ZNF571: variants seen among roughly 807,000 people sequenced by gnomAD.
ZNF571 encodes zinc finger protein 571.
In ZNF571, 4 loss-of-function variants were observed where a neutral mutation model predicts 7.7. The ratio of observed to expected loss-of-function variants is 0.52; its 90% confidence interval spans 0.25 to 1.18. The LOEUF (loss-of-function observed/expected upper bound fraction) is 1.18, where lower values mean the gene tolerates loss of function less well. ZNF571 is among the 50% of genes most tolerant of loss of function. The pLI is 0.14. For missense variants in ZNF571, 704 were observed against 726.9 expected, an observed-to-expected ratio of 0.97 and a Z score of 0.36; for synonymous variants, 251 against 232.4, an observed-to-expected ratio of 1.08 and a Z score of -0.73.
chr19:37,580,512 A>G (rs1432290286), intron 3 of ZNF571, among the ~76,000 whole-genome samples: 1 of 152,212 alleles, frequency 6.6e-6, no homozygotes, highest in East Asian at 1.9e-4. Context: ...ACCATCTGCT[A>G]TGGTTTGGAT....
chr19:37,583,974 A>G lies in ZNF571; in HGVS notation c.133T>C (p.Leu45=), dbSNP rs756415238. Residue 45 remains leucine, a synonymous_variant, in exon 3 of 4, where the codon TTG becomes CTG. Transcript: ENST00000451802. ...ATATTACGTAGGATGATCTTACCCA[A>G]TGAGATCAGGTTGCTGTAGTTCTCC... The part of the protein sequence containing the change: ...MLENYSNLIS[L]DLESSCVTKK... The G allele has an allele frequency of 1.0e-5, 16 of 1,607,088 alleles. No individual in the cohort carries two copies. The highest frequency in any genetic ancestry group is 6.8e-5 in the Admixed American group (4 of 58,852).
intron 3 of ZNF571, among the ~76,000 whole-genome samples, chr19:37,574,641 C>A (rs2043182016): frequency 6.6e-6 from 1 of 152,090 alleles, no homozygotes; most frequent in Non-Finnish European, 1.5e-5. Context: ...GGTTTATCAC[C>A]ATACCTAAAC....
chr19:37,573,918 C>G (rs900239553), intron 3 of ZNF571, among the ~76,000 whole-genome samples: 1 of 152,068 alleles, frequency 6.6e-6, no homozygotes, highest in African/African-American at 2.4e-5. Context: ...CAATCTGTGC[C>G]CTAACACAAA....
rs764345901 is a variant in ZNF571, at chr19:37,564,950, T to C, written c.1478A>G (p.Gln493Arg). The change falls in exon 4 of 4, where the codon CAA becomes CGA. Residue 493 changes from glutamine (Q) to arginine (R), a missense_variant. Gln to Arg is a conservative substitution (Grantham distance 43). Coordinates refer to ENST00000451802, the MANE Select transcript of ZNF571 (RefSeq NM_016536.5). ...FVRATQLTYHQRIHTGEKPYK... is the reference protein window; with the variant it reads ...FVRATQLTYHRRIHTGEKPYK... Reference sequence around the variant, plus strand: ...GGGCTTTTCACCTGTATGAATTCTTTGATGATATGTAAGTTGTGTAGCACG... The same window carrying C: ...GGGCTTTTCACCTGTATGAATTCTTCGATGATATGTAAGTTGTGTAGCACG... 3 of 1,613,960 alleles carry C rather than the reference T, an allele frequency of 1.9e-6. No homozygotes were observed. The highest frequency in any genetic ancestry group is 2.5e-6 in the Non-Finnish European group (3 of 1,179,916).
rs972064167 is a variant in ZNF571 at position 37,564,750 on chromosome 19, A to T, written c.1678T>A (p.Cys560Ser). The change falls in exon 4 of 4, where the codon TGT becomes AGT. Residue 560 changes from cysteine (C) to serine (S), a missense_variant. Cys to Ser is a moderately radical substitution (Grantham distance 112). Coordinates refer to ENST00000451802, the MANE Select transcript of ZNF571 (RefSeq NM_016536.5). ...CTAAAGGCCCTCCCACATTCCTTACATTCATAGGGTTTCTCTCCAGTATGA... is the reference window on the plus strand; with the variant it reads ...CTAAAGGCCCTCCCACATTCCTTACTTTCATAGGGTTTCTCTCCAGTATGA... The part of the protein sequence containing the change: ...RTHTGEKPYE[C>S]KECGRAFSRG... 1.2e-6 allele frequency: 2 copies of T among 1,613,812 alleles called. No individual in the cohort carries two copies. Among genetic ancestry groups the T allele is most frequent in the Non-Finnish European group, 1.7e-6 (2 of 1,179,784 alleles).
Position 37,564,724 on chromosome 19 carries a change from A to T in ZNF571, c.1704T>A (p.Ser568Arg), listed in dbSNP as rs2042783558. The change falls in exon 4 of 4, where the codon AGT becomes AGA. Residue 568 changes from serine (S) to arginine (R), a missense_variant. Physicochemically the swap from Ser to Arg is moderately radical, Grantham distance 110. Transcript: ENST00000451802. Reference protein sequence around the residue: ...YECKECGRAFSRGSELTLHQR... With the variant: ...YECKECGRAFRRGSELTLHQR... ...GATGCAGAGTAAGTTCTGAGCCACG[A>T]CTAAAGGCCCTCCCACATTCCTTAC... 2.5e-6 allele frequency: 4 copies of T among 1,613,616 alleles called. No homozygotes were observed. The East Asian group carries it at 8.9e-5, about 36-fold the overall frequency.
chr19:37,591,190 T>C (rs1390868554), intron 1 of ZNF571, among the ~76,000 whole-genome samples: 2 of 152,212 alleles, frequency 1.3e-5, no homozygotes, highest in Admixed American at 6.5e-5. Context: ...CACTGTACAC[T>C]GTATACCACA....
chr19:37,566,451 G>A, intron 3 of ZNF571, 160 bp from the exon 4 acceptor site: 2 of 776,456 alleles, frequency 2.6e-6, no homozygotes, highest in Non-Finnish European at 3.9e-6. Context: ...CACAAGGAGA[G>A]AATAAAGAAA....
At position 37,586,695 on chromosome 19, in the gene ZNF571, A is replaced by G; in HGVS notation, c.-19T>C. 1 of 1,614,052 alleles carries G rather than the reference A, an allele frequency of 6.2e-7. No homozygotes were observed. Among genetic ancestry groups the G allele is most frequent in the African/African-American group, 1.3e-5 (1 of 75,028 alleles). On this transcript the variant is annotated 5_prime_UTR_variant, in exon 2 of 4. Transcript: ENST00000451802. ...GGGGCATGGTTTTTTAGAACTGATCAATTTTCTGGGTTCTTCTCCTGGAGG... is the reference window on the plus strand; with the variant it reads ...GGGGCATGGTTTTTTAGAACTGATCGATTTTCTGGGTTCTTCTCCTGGAGG...
At chr19:37,592,637 A>T (rs1230396742) in intron 1 of ZNF571, among the ~76,000 whole-genome samples, 1 of 152,272 alleles carries the variant, frequency 6.6e-6, no homozygotes, top group African/African-American at 2.4e-5. Context: ...AAAGTGGGAC[A>T]TCAGACTGTA....
intron 3 of ZNF571, among the ~76,000 whole-genome samples, chr19:37,578,549 C>CTGG (rs1390067195): frequency 1.3e-5 from 2 of 152,186 alleles, no homozygotes; most frequent in Non-Finnish European, 2.9e-5. Context: ...AGCTTGGTGC[C>CTGG]AGCTGCCATA....
At chr19:37,570,332 C>A (rs1229131459) in intron 3 of ZNF571, among the ~76,000 whole-genome samples, 2 of 152,152 alleles carry the variant, frequency 1.3e-5, no homozygotes, top group Non-Finnish European at 2.9e-5. Flanking sequence ...ATTTTCTTCA[C>A]CTTCTTGATC....
At chr19:37,586,780 G>T in intron 1 of ZNF571, 35 bp from the exon 2 acceptor site, 1 of 1,240,792 alleles carries the variant, frequency 8.1e-7, no homozygotes, top group Non-Finnish European at 1.2e-6. Context: ...GATTAGACTT[G>T]GCTCACAGCC....
chr19:37,586,687 A>T lies in ZNF571; in HGVS notation c.-11T>A. 1 of 1,614,124 alleles carries T rather than the reference A, an allele frequency of 6.2e-7. No individual in the cohort carries two copies. The highest frequency in any genetic ancestry group is 8.5e-7 in the Non-Finnish European group (1 of 1,179,990). ...ACTCACGTGGGGCATGGTTTTTTAG[A>T]ACTGATCAATTTTCTGGGTTCTTCT... On this transcript the variant is annotated 5_prime_UTR_variant, in exon 2 of 4. Coordinates refer to ENST00000451802, the MANE Select transcript of ZNF571 (RefSeq NM_016536.5).
At chr19:37,575,947 C>G (rs2043228137) in intron 3 of ZNF571, 1 of 152,196 alleles carries the variant, frequency 6.6e-6, no homozygotes, top group East Asian at 1.9e-4. Flanking sequence ...CAATCTCAAG[C>G]TATTGTAGTA....
At chr19:37,587,496 T>C (rs969077952) in intron 1 of ZNF571, 3 of 152,244 alleles carry the variant, frequency 2.0e-5, no homozygotes, top group Admixed American at 1.3e-4. Flanking sequence ...TGACAGCCAA[T>C]GTGCGCACAG....
chr19:37,580,591 T>C (rs1216034970), intron 3 of ZNF571, among the ~76,000 whole-genome samples: 1 of 152,180 alleles, frequency 6.6e-6, no homozygotes, highest in Non-Finnish European at 1.5e-5. Flanking sequence ...GGATGGGGTT[T>C]AGTGGGAGGT....
chr19:37,594,084 A>G (rs926273783), intron 1 of ZNF571: 2 of 152,244 alleles, frequency 1.3e-5, no homozygotes, highest in African/African-American at 4.8e-5. Flanking sequence ...GGATAACACC[A>G]ACCTCTAGAA....
At position 37,564,776 on chromosome 19, in the gene ZNF571, G is replaced by C. The variant is rs146385801; in HGVS notation, c.1652C>G (p.Thr551Ser). Residue 551 changes from threonine (T) to serine (S), a missense_variant, in exon 4 of 4, where the codon ACT becomes AGT. Thr to Ser is a moderately conservative substitution (Grantham distance 58). Coordinates refer to ENST00000451802, the MANE Select transcript of ZNF571 (RefSeq NM_016536.5). ...RGSHLTEHLR[T>S]HTGEKPYECK... ...TTCATAGGGTTTCTCTCCAGTATGA[G>C]TTCTCAGATGTTCAGTAAGGTGTGA... The C allele has an allele frequency of 7.3e-5, 118 of 1,613,012 alleles. 1 individual carries two copies. In the African/African-American group the frequency reaches 1.5e-3, roughly 20 times the overall value.
Sources: gnomAD v4.1 joint callset for allele counts (sites outside exome capture counted in the v4.1 genomes callset) on GRCh38, gnomAD v4.1.1 for gene constraint, MANE v1.5 for transcripts, NCBI Gene and HGNC (gene_info 2026-07-23, HGNC 2026-07-21) for gene names.